HMCN1: variants seen among roughly 807,000 people sequenced by gnomAD.
HMCN1 encodes hemicentin-1.
Under a neutral mutation model 625.9 loss-of-function variants are expected in HMCN1, and 321 were observed. The ratio of observed to expected loss-of-function variants is 0.51; its 90% CI spans 0.47 to 0.56. The LOEUF is 0.56. Among genes scored for constraint, HMCN1 ranks in the 20% least tolerant of loss-of-function variants. The pLI is 0.00. For synonymous variants in HMCN1, 2,425 were observed against 2,417.6 expected (o/e 1.00, Z -0.09); for missense variants, 6,588 against 6,887.3 (o/e 0.96, Z 1.54).
intron 97 of HMCN1, among the ~76,000 whole-genome samples, chr1:186,160,670 C>T (rs905712016): frequency 6.8e-4 from 104 of 152,222 alleles, no homozygotes; most frequent in African/African-American, 2.2e-3. Context: ...GCCTTGATTT[C>T]GTTATGTACC....
At chr1:185,950,122 G>A (rs1668567040) in intron 11 of HMCN1, among the ~76,000 whole-genome samples, 1 of 151,192 alleles carries the variant, frequency 6.6e-6, no homozygotes, top group African/African-American at 2.4e-5. Flanking sequence ...GTGGATCAGA[G>A]AGATACAGTC....
intron 4 of HMCN1, among the ~76,000 whole-genome samples, chr1:185,892,854 A>C (rs1022610506): frequency 2.0e-5 from 3 of 152,166 alleles, no homozygotes; most frequent in Non-Finnish European, 2.9e-5. Context: ...TCGAGCTTCC[A>C]GGCTGCTTTG....
At chr1:186,188,071 A>G in intron 106 of HMCN1, 62 bp downstream of exon 106, 1 of 1,592,698 alleles carries the variant, frequency 6.3e-7, no homozygotes, top group Non-Finnish European at 8.6e-7. Context: ...CTCCTTGACC[A>G]ACATAAACTT....
Position 185,821,053 on chromosome 1 carries a change from ATC to A in HMCN1, c.269-24971_269-24970del, listed in dbSNP as rs953526163. Among the ~76,000 whole-genome samples the A allele has an allele frequency of 4.6e-5, 7 of 151,816 alleles. 1 individual carries two copies. The highest frequency in any genetic ancestry group is 1.7e-4 in the African/African-American group (7 of 41,462). On this transcript the variant is annotated intron_variant, in intron 1 of 106. Coordinates refer to ENST00000271588, the MANE Select transcript of HMCN1 (RefSeq NM_031935.3). ...ATATATGTACATGTAATATATATATATCTATATATATGCTTATAAGTCACAGG... is the reference window on the plus strand; with the variant it reads ...ATATATGTACATGTAATATATATATATATATATATGCTTATAAGTCACAGG...
At chr1:185,919,601 TCTC>T (rs1483685645) in intron 6 of HMCN1, among the ~76,000 whole-genome samples, 2 of 152,114 alleles carry the variant, frequency 1.3e-5, no homozygotes, top group Non-Finnish European at 2.9e-5. Flanking sequence ...TCCATATAAC[TCTC>T]CTCCTATTGT....
At chr1:185,795,046 A>G (rs1658272414) in intron 1 of HMCN1, among the ~76,000 whole-genome samples, 1 of 152,212 alleles carries the variant, frequency 6.6e-6, no homozygotes, top group Admixed American at 6.5e-5. Flanking sequence ...CATTGAAGGA[A>G]CTATGCATGT....
intron 49 of HMCN1, among the ~76,000 whole-genome samples, chr1:186,067,076 C>A (rs1658166137): frequency 6.6e-6 from 1 of 152,088 alleles, no homozygotes; most frequent in Non-Finnish European, 1.5e-5. Context: ...ATGAGCAAAT[C>A]TTTCTACATT....
intron 1 of HMCN1, among the ~76,000 whole-genome samples, chr1:185,752,681 A>C (rs1031492878): frequency 6.6e-6 from 1 of 152,150 alleles, no homozygotes; most frequent in South Asian, 2.1e-4. Context: ...CCTTTCAAAA[A>C]AAGGTCTTTC....
Position 186,151,644 on chromosome 1 carries a change from A to G in HMCN1, c.14797A>G (p.Ile4933Val), listed in dbSNP as rs1027893286. The change falls in exon 95 of 107, where the codon ATT becomes GTT. Residue 4933 changes from isoleucine to valine, a missense_variant. Around this residue, in one of 3 missense-constraint regions of HMCN1, gnomAD observed 1,954 missense variants for 2,013.1 expected, o/e 0.97. Coordinates refer to ENST00000271588, the MANE Select transcript of HMCN1 (RefSeq NM_031935.3). ...MRKIVSILNPIYWTTAKEIGE... is the reference protein window; with the variant it reads ...MRKIVSILNPVYWTTAKEIGE... Reference sequence around the variant, plus strand: ...AAAGATAGTTTCTATTCTAAATCCCATTTATTGGACAACAGCAAAGGAAAT... The same window carrying G: ...AAAGATAGTTTCTATTCTAAATCCCGTTTATTGGACAACAGCAAAGGAAAT... The G allele has an allele frequency of 2.5e-6, 4 of 1,612,922 alleles. No homozygotes were observed. The highest frequency in any genetic ancestry group is 3.3e-5 in the Admixed American group (2 of 59,990).
chr1:186,106,663 A>G (rs1660625340), intron 69 of HMCN1, among the ~76,000 whole-genome samples: 1 of 152,218 alleles, frequency 6.6e-6, no homozygotes, highest in South Asian at 2.1e-4. Context: ...ACGTACAAAC[A>G]TTCTTAAATC....
intron 1 of HMCN1, among the ~76,000 whole-genome samples, chr1:185,752,330 C>A (rs1417736862): frequency 6.6e-6 from 1 of 151,742 alleles, no homozygotes; most frequent in East Asian, 1.9e-4. Context: ...AGCTCTCTGA[C>A]CAAAAAAAGG....
At chr1:185,844,369 A>T (rs927821484) in intron 1 of HMCN1, among the ~76,000 whole-genome samples, 1 of 152,116 alleles carries the variant, frequency 6.6e-6, no homozygotes, top group Admixed American at 6.5e-5. Flanking sequence ...GGATTGAGGC[A>T]TTTTTTCCTG....
intron 11 of HMCN1, among the ~76,000 whole-genome samples, chr1:185,940,138 T>C (rs1668009878): frequency 1.3e-5 from 2 of 152,192 alleles, no homozygotes; most frequent in African/African-American, 4.8e-5. Flanking sequence ...AAAGTGCTTT[T>C]TTAGTACAAA....
At chr1:185,894,604 G>A (rs78657215) in intron 4 of HMCN1, among the ~76,000 whole-genome samples, 3 of 152,022 alleles carry the variant, frequency 2.0e-5, no homozygotes, top group South Asian at 4.2e-4. Context: ...TTACATTCCT[G>A]TCACCCATGT....
At chr1:186,137,148 C>G (rs1412705304) in intron 87 of HMCN1, among the ~76,000 whole-genome samples, 1 of 152,164 alleles carries the variant, frequency 6.6e-6, no homozygotes, top group Non-Finnish European at 1.5e-5. Flanking sequence ...TTTAAAATCC[C>G]AAACTAGATT....
chr1:186,063,075 T>TATATATATATATATATAA (rs1657842427), intron 48 of HMCN1, among the ~76,000 whole-genome samples: 74 of 90,094 alleles, frequency 8.2e-4, no homozygotes, highest in African/African-American at 3.2e-3. Context: ...TGCATATATA[T>TATATATATATATATATAA]ATATATATAT....
At chr1:185,750,063 A>C (rs1352671652) in intron 1 of HMCN1, among the ~76,000 whole-genome samples, 1 of 152,116 alleles carries the variant, frequency 6.6e-6, no homozygotes, top group Non-Finnish European at 1.5e-5. Flanking sequence ...ATTTTTCTTT[A>C]TAGAATTTAG....
intron 86 of HMCN1, among the ~76,000 whole-genome samples, chr1:186,135,075 A>G (rs1649515085): frequency 6.6e-6 from 1 of 152,066 alleles, no homozygotes; most frequent in Non-Finnish European, 1.5e-5. Context: ...AAATAACCTT[A>G]CTTATTTTTG....
At chr1:185,983,511 A>G (rs1651801945) in intron 18 of HMCN1, among the ~76,000 whole-genome samples, 1 of 152,236 alleles carries the variant, frequency 6.6e-6, no homozygotes, top group Admixed American at 6.5e-5. Flanking sequence ...TAAAATCCTG[A>G]GGAAAAATTA....
Sources: gnomAD v4.1 joint callset for allele counts (sites outside exome capture counted in the v4.1 genomes callset) on GRCh38, gnomAD v4.1.1 for gene constraint, gnomAD v4.1.1 regional missense constraint, MANE v1.5 for transcripts, NCBI Gene and HGNC (gene_info 2026-07-23, HGNC 2026-07-21) for gene names.